The following TEX9 variants were observed in gnomAD, a reference collection of about 807,000 sequenced individuals.
TEX9 encodes the protein testis-expressed protein 9.
In TEX9, 74 loss-of-function variants were observed where a neutral mutation model predicts 59.6. The observed-to-expected ratio is 1.24, with a 90% CI of 1.03 to 1.51. TEX9 has a LOEUF of 1.51. TEX9 is among the 40% of genes most tolerant of loss of function. The probability of loss-of-function intolerance (pLI) is 0.00; values close to 1 mark genes in which losing one functional copy is unlikely to be tolerated. For missense variants in TEX9, 522 were observed against 447.8 expected, an observed-to-expected ratio of 1.17 and a Z score of -1.49; for synonymous variants, 186 against 152.2, an observed-to-expected ratio of 1.22 and a Z score of -1.64.
At chr15:56,357,102 C>G (rs533702746) in intron 1 of TEX9, among the ~76,000 whole-genome samples, 18 of 152,154 alleles carry the variant, frequency 1.2e-4, no homozygotes, top group African/African-American at 4.3e-4. Flanking sequence ...TTACTATGTC[C>G]CCTACCCTAT....
intron 6 of TEX9, among the ~76,000 whole-genome samples, chr15:56,390,864 T>A (rs1302505721): frequency 2.6e-5 from 4 of 152,218 alleles, no homozygotes; most frequent in Non-Finnish European, 4.4e-5. Flanking sequence ...ATAGGCTGGA[T>A]TTGACCTAGG....
At chr15:56,451,995 A>G in the TEX9 span, among the ~76,000 whole-genome samples, 33 of 152,314 alleles carry the variant, frequency 2.2e-4, 1 homozygote, top group South Asian at 6.2e-3. Flanking sequence ...CATTTCATCA[A>G]TTTTGGCAAA....
intron 9 of TEX9, among the ~76,000 whole-genome samples, chr15:56,399,203 A>G (rs2048643504): frequency 6.6e-6 from 1 of 152,174 alleles, no homozygotes; most frequent in African/African-American, 2.4e-5. Context: ...TCCCTTTGCT[A>G]GCCAAGGGAA....
intron 10 of TEX9, among the ~76,000 whole-genome samples, chr15:56,414,851 TC>T (rs776963170): frequency 1.6e-4 from 24 of 152,002 alleles, no homozygotes; most frequent in Admixed American, 8.5e-4. Context: ...TAATTTACAC[TC>T]CCACCAAGTG....
At chr15:56,423,752 T>C (rs2050105595) in intron 10 of TEX9, among the ~76,000 whole-genome samples, 1 of 152,104 alleles carries the variant, frequency 6.6e-6, no homozygotes, top group Admixed American at 6.6e-5. Context: ...TATTTGTCTG[T>C]TCTGGTATAT....
At chr15:56,360,017 T>G (rs1378064526) in intron 1 of TEX9, among the ~76,000 whole-genome samples, 1 of 152,188 alleles carries the variant, frequency 6.6e-6, no homozygotes, top group African/African-American at 2.4e-5. Flanking sequence ...TTTATCCTCT[T>G]GATGTGCTGA....
chr15:56,340,575 T>G (rs1335466379), intron 1 of TEX9, among the ~76,000 whole-genome samples: 6 of 152,166 alleles, frequency 3.9e-5, no homozygotes, highest in Admixed American at 3.9e-4. Context: ...GCCAGGGTGT[T>G]AAGTCCAATG....
chr15:56,431,418 T>A, intron 12 of TEX9: 1 of 1,613,486 alleles, frequency 6.2e-7, no homozygotes, highest in Non-Finnish European at 8.5e-7. Flanking sequence ...CTTTAAGAAG[T>A]TTTAGCCTTT....
At chr15:56,359,664 A>G (rs1402438840) in intron 1 of TEX9, among the ~76,000 whole-genome samples, 3 of 151,920 alleles carry the variant, frequency 2.0e-5, no homozygotes, top group African/African-American at 4.8e-5. Flanking sequence ...TTTTAAAAAA[A>G]TTTTCTTTAT....
chr15:56,263,333 T>G (rs1305351885), intron 1 of TEX9, among the ~76,000 whole-genome samples: 1 of 152,188 alleles, frequency 6.6e-6, no homozygotes, highest in Non-Finnish European at 1.5e-5. Context: ...ACGGGTTGTT[T>G]TTTTAAAATA....
chr15:56,334,495 T>C (rs1240466441), intron 1 of TEX9, among the ~76,000 whole-genome samples: 1 of 152,098 alleles, frequency 6.6e-6, no homozygotes, highest in African/African-American at 2.4e-5. Context: ...TCGTGCCATA[T>C]ACAAAAATCA....
intron 9 of TEX9, among the ~76,000 whole-genome samples, chr15:56,403,800 C>G (rs556026199): frequency 2.0e-4 from 31 of 152,300 alleles, no homozygotes; most frequent in African/African-American, 7.5e-4. Context: ...ACCAATGGAA[C>G]AGAACAGAGC....
intron 1 of TEX9, among the ~76,000 whole-genome samples, chr15:56,315,437 T>C (rs1228136459): frequency 6.7e-6 from 1 of 149,872 alleles, no homozygotes; most frequent in East Asian, 1.9e-4. Flanking sequence ...TATGAAATTC[T>C]GGGTTGAAAA....
the TEX9 span, among the ~76,000 whole-genome samples, chr15:56,460,003 A>ATATATATATATAT: frequency 2.4e-4 from 8 of 32,856 alleles, 1 homozygote; most frequent in African/African-American, 9.0e-4. Flanking sequence ...AAAAAAAAAA[A>ATATATATATATAT]AAAAAAATAC....
Position 56,359,376 on chromosome 15 carries a change from CT to C in TEX9, c.-106-14064del, listed in dbSNP as rs1390765304. ...AAAAAATAACTCCCTATTTTCCTCT[CT>C]CCCTAGTCCCTGGTAAACTCTGTTT... On this transcript the variant is annotated intron_variant, in intron 1 of 5. Transcript: ENST00000560827. 2.0e-5 allele frequency among the ~76,000 whole-genome samples: 3 copies of C among 152,270 alleles called. No individual in the cohort carries two copies. The East Asian group carries it at 5.8e-4, about 29-fold the overall frequency.
chr15:56,342,650 C>T (rs2046394283), intron 1 of TEX9, among the ~76,000 whole-genome samples: 1 of 152,098 alleles, frequency 6.6e-6, no homozygotes, highest in Non-Finnish European at 1.5e-5. Context: ...CAGTAAAGAA[C>T]TTTTTTAAAA....
chr15:56,443,199 T>A (rs74724695), intron 12 of TEX9, among the ~76,000 whole-genome samples: 4,206 of 152,284 alleles, frequency 0.028, 198 homozygotes, highest in African/African-American at 0.095. Context: ...TTTTAAATTG[T>A]GATTACAGAC....
chr15:56,290,786 T>G (rs1399675563), intron 1 of TEX9, among the ~76,000 whole-genome samples: 1 of 132,920 alleles, frequency 7.5e-6, no homozygotes, highest in South Asian at 2.2e-4. Flanking sequence ...GTTATTCTCC[T>G]TTTTTTTTTT....
the TEX9 span, among the ~76,000 whole-genome samples, chr15:56,458,598 ATCTG>A: frequency 6.6e-6 from 1 of 152,158 alleles, no homozygotes; most frequent in Non-Finnish European, 1.5e-5. Flanking sequence ...ATCCTCTGTG[ATCTG>A]TCTATTCAAC....
Sources: gnomAD v4.1 joint callset for allele counts (sites outside exome capture counted in the v4.1 genomes callset) on GRCh38, gnomAD v4.1.1 for gene constraint, MANE v1.5 for transcripts, NCBI Gene and HGNC (gene_info 2026-07-23, HGNC 2026-07-21) for gene names.